The following KCNIP1 variants were observed in gnomAD, a reference collection of about 807,000 sequenced individuals.
KCNIP1 encodes the protein potassium voltage-gated channel interacting protein 1, also known as A-type potassium channel modulatory protein KCNIP1.
In KCNIP1, 18 loss-of-function variants were observed where a neutral mutation model predicts 33.0. The observed-to-expected ratio is 0.55, with a 90% CI of 0.38 to 0.81. KCNIP1 has a LOEUF of 0.81. KCNIP1 is among the 30% of genes least tolerant of loss of function. KCNIP1 has a pLI of 0.00. For synonymous variants in KCNIP1, 93 were observed against 98.3 expected (o/e 0.95, Z 0.32); for missense variants, 238 against 271.6 (o/e 0.88, Z 0.87).
intron 1 of KCNIP1, among the ~76,000 whole-genome samples, chr5:170,535,592 C>T (rs185629450): frequency 9.2e-5 from 14 of 152,212 alleles, no homozygotes; most frequent in African/African-American, 3.4e-4. Context: ...AATCCAGCAC[C>T]CCACCCCCAG....
At chr5:170,370,759 G>A (rs936526506) in intron 1 of KCNIP1, among the ~76,000 whole-genome samples, 1 of 152,212 alleles carries the variant, frequency 6.6e-6, no homozygotes, top group African/African-American at 2.4e-5. Context: ...GTGAGGTCAG[G>A]ATCTCCTCCC....
chr5:170,664,702 AG>A (rs34052490), intron 1 of KCNIP1, among the ~76,000 whole-genome samples: 8,008 of 152,290 alleles, frequency 0.053, 289 homozygotes, highest in Non-Finnish European at 0.081. Context: ...CCTGCCCTCA[AG>A]GGGTTTTCAG....
chr5:170,357,961 G>A (rs562301458), intron 1 of KCNIP1, among the ~76,000 whole-genome samples: 31 of 152,358 alleles, frequency 2.0e-4, no homozygotes, highest in Admixed American at 4.6e-4. Context: ...CTCGCCTGCT[G>A]TTTAACCTAG....
At chr5:170,591,441 G>A (rs1758258557) in intron 1 of KCNIP1, among the ~76,000 whole-genome samples, 1 of 152,156 alleles carries the variant, frequency 6.6e-6, no homozygotes, top group African/African-American at 2.4e-5. Flanking sequence ...AAAAATTGTG[G>A]TAAAATATAT....
At chr5:170,371,157 C>G (rs565051769) in intron 1 of KCNIP1, among the ~76,000 whole-genome samples, 1 of 152,320 alleles carries the variant, frequency 6.6e-6, no homozygotes, top group East Asian at 1.9e-4. Flanking sequence ...AGGATCGCTG[C>G]AACCATGGTG....
chr5:170,665,522 A>C (rs1001085985), intron 1 of KCNIP1, among the ~76,000 whole-genome samples: 1 of 152,202 alleles, frequency 6.6e-6, no homozygotes, highest in African/African-American at 2.4e-5. Context: ...AAAACTTCAA[A>C]GATAGTAAGA....
chr5:170,422,707 C>T (rs192105172), intron 1 of KCNIP1: 2 of 152,300 alleles, frequency 1.3e-5, no homozygotes, highest in Admixed American at 6.5e-5. Flanking sequence ...ATGTTAGTAC[C>T]TCATGATATT....
intron 1 of KCNIP1, among the ~76,000 whole-genome samples, chr5:170,683,894 A>ATGTG (rs1168722972): frequency 0.31 from 27,817 of 90,316 alleles, 3,322 homozygotes; most frequent in Non-Finnish European, 0.4. Context: ...CAGCTAGTGT[A>ATGTG]TGTGTGTGTG....
At chr5:170,550,424 C>T (rs1043260656) in intron 1 of KCNIP1, among the ~76,000 whole-genome samples, 2 of 151,676 alleles carry the variant, frequency 1.3e-5, no homozygotes, top group Admixed American at 6.6e-5. Context: ...ACAGGAATGA[C>T]GATGATGATT....
intron 1 of KCNIP1, among the ~76,000 whole-genome samples, chr5:170,577,839 A>ATG (rs1757656910): frequency 6.6e-6 from 1 of 152,234 alleles, no homozygotes; most frequent in Admixed American, 6.5e-5. Flanking sequence ...AGTCACCTAA[A>ATG]TGTTTGTAAG....
At chr5:170,431,532 G>C (rs1361672388) in intron 1 of KCNIP1, among the ~76,000 whole-genome samples, 1 of 152,188 alleles carries the variant, frequency 6.6e-6, no homozygotes, top group African/African-American at 2.4e-5. Flanking sequence ...AAATTTCCAG[G>C]AAATTACCTG....
intron 1 of KCNIP1, among the ~76,000 whole-genome samples, chr5:170,717,229 A>T (rs1369249735): frequency 1.3e-5 from 2 of 152,244 alleles, no homozygotes; most frequent in African/African-American, 4.8e-5. Context: ...ATTCTGAATT[A>T]GACTTATGTG....
chr5:170,466,619 C>T (rs1025860605), intron 1 of KCNIP1, among the ~76,000 whole-genome samples: 4 of 152,166 alleles, frequency 2.6e-5, no homozygotes, highest in East Asian at 1.9e-4. Flanking sequence ...AAATTCATTT[C>T]TCACAGTTCT....
chr5:170,370,181 A>G lies in KCNIP1; in HGVS notation c.88+16217A>G, dbSNP rs184834096. 8.5e-3 allele frequency among the ~76,000 whole-genome samples: 1,292 copies of G among 152,304 alleles called. 10 individuals are homozygous for G. The highest frequency in any genetic ancestry group is 0.013 in the Non-Finnish European group (899 of 68,016). On this transcript the variant is annotated intron_variant, in intron 1 of 7. Transcript: ENST00000377360. The stretch of plus-strand genomic sequence containing the variant: ...AAGTTGCTAGTAAGAAAAAGACGGC[A>G]GGAGGTAGTTCTCTGAGCCCAAATC...
intron 1 of KCNIP1, among the ~76,000 whole-genome samples, chr5:170,441,965 A>AG (rs1176788905): frequency 7.6e-6 from 1 of 130,808 alleles, no homozygotes; most frequent in African/African-American, 2.6e-5. Flanking sequence ...AAAAAAAAAA[A>AG]AAAAAAAAAA....
intron 1 of KCNIP1, among the ~76,000 whole-genome samples, chr5:170,672,777 AT>A (rs778257536): frequency 4.6e-5 from 7 of 152,244 alleles, no homozygotes; most frequent in Non-Finnish European, 1.0e-4. Flanking sequence ...AAATTGGAGG[AT>A]TTGATTGCAA....
chr5:170,595,990 C>G (rs1758427887), intron 1 of KCNIP1, among the ~76,000 whole-genome samples: 1 of 152,204 alleles, frequency 6.6e-6, no homozygotes, highest in South Asian at 2.1e-4. Flanking sequence ...TTCAAACTAG[C>G]TTGCACAGCA....
chr5:170,498,604 G>C (rs1757354407), intron 1 of KCNIP1, among the ~76,000 whole-genome samples: 1 of 152,188 alleles, frequency 6.6e-6, no homozygotes, highest in South Asian at 2.1e-4. Context: ...CTTCCTGAGA[G>C]CAGGTACTCT....
At chr5:170,466,510 AG>A (rs1408138238) in intron 1 of KCNIP1, among the ~76,000 whole-genome samples, 6 of 152,196 alleles carry the variant, frequency 3.9e-5, no homozygotes, top group Non-Finnish European at 5.9e-5. Flanking sequence ...TCTAGGGCCA[AG>A]GCTAAAAGAA....
Sources: allele counts gnomAD v4.1 joint callset (sites outside exome capture counted in the v4.1 genomes callset), GRCh38; gene constraint gnomAD v4.1.1; transcripts MANE v1.5; gene names NCBI Gene and HGNC (gene_info 2026-07-23, HGNC 2026-07-21).